The following DLGAP2 variants were observed in gnomAD, a reference collection of about 807,000 sequenced individuals.
DLGAP2 encodes the protein disks large-associated protein 2.
DLGAP2 carries 26 observed loss-of-function variants against 100.3 expected under a neutral mutation model. The ratio of observed to expected loss-of-function variants is 0.26; its 90% CI spans 0.19 to 0.36. DLGAP2 has a LOEUF of 0.36. Ranked by LOEUF, DLGAP2 falls within the 10% of genes least tolerant of loss-of-function variation. DLGAP2 has a pLI of 1.00. For synonymous variants in DLGAP2, 886 were observed against 630.1 expected (o/e 1.41, Z -6.08); for missense variants, 1,858 against 1,453.2 (o/e 1.28, Z -4.53).
At chr8:858,319 G>T (rs1220746238) in intron 1 of DLGAP2, among the ~76,000 whole-genome samples, 1 of 152,258 alleles carries the variant, frequency 6.6e-6, no homozygotes, top group African/African-American at 2.4e-5. Flanking sequence ...CGTGAAAGAA[G>T]CCTGTCGCAA....
At chr8:1,347,011 G>A (rs1801576350) in intron 3 of DLGAP2, among the ~76,000 whole-genome samples, 1 of 151,874 alleles carries the variant, frequency 6.6e-6, no homozygotes, top group Non-Finnish European at 1.5e-5. Context: ...TGTGGAGGTT[G>A]AGTTACCATA....
intron 2 of DLGAP2, among the ~76,000 whole-genome samples, chr8:973,846 G>T (rs1398059198): frequency 9.2e-5 from 7 of 75,884 alleles, no homozygotes; most frequent in Non-Finnish European, 1.1e-4. Flanking sequence ...GGTCGGGGCG[G>T]GCGGTGGCGG....
intron 1 of DLGAP2, among the ~76,000 whole-genome samples, chr8:856,328 A>G (rs538438501): frequency 6.6e-6 from 1 of 151,752 alleles, no homozygotes; most frequent in African/African-American, 2.4e-5. Flanking sequence ...AGCTGGGATT[A>G]CAGGCACACA....
At chr8:1,225,612 T>A (rs1334433382) in intron 2 of DLGAP2, among the ~76,000 whole-genome samples, 3 of 152,258 alleles carry the variant, frequency 2.0e-5, no homozygotes, top group Non-Finnish European at 4.4e-5. Context: ...TAAAATCATA[T>A]GCAAGTATCA....
intron 3 of DLGAP2, among the ~76,000 whole-genome samples, chr8:1,358,286 G>A (rs866219442): frequency 1.3e-5 from 2 of 152,140 alleles, no homozygotes; most frequent in Admixed American, 1.3e-4. Flanking sequence ...TTATCTTAAC[G>A]TCTTCATTTC....
chr8:1,033,936 C>T (rs1366827753), intron 2 of DLGAP2, among the ~76,000 whole-genome samples: 1 of 106,750 alleles, frequency 9.4e-6, no homozygotes, highest in Non-Finnish European at 1.9e-5. Context: ...TGTGTCACCG[C>T]GAGTGGACTC....
At chr8:1,650,042 C>T (rs572655199) in intron 8 of DLGAP2, among the ~76,000 whole-genome samples, 9 of 152,300 alleles carry the variant, frequency 5.9e-5, no homozygotes, top group East Asian at 3.9e-4. Flanking sequence ...CTTAAATATG[C>T]GGGCAGGTTA....
intron 4 of DLGAP2, among the ~76,000 whole-genome samples, chr8:1,506,885 T>C (rs1031427681): frequency 6.6e-6 from 1 of 151,946 alleles, no homozygotes; most frequent in Non-Finnish European, 1.5e-5. Context: ...TTTACAAACC[T>C]TGAGCTAGAC....
At chr8:787,192 C>T (rs948879875) in intron 1 of DLGAP2, among the ~76,000 whole-genome samples, 5 of 152,226 alleles carry the variant, frequency 3.3e-5, no homozygotes, top group African/African-American at 9.6e-5. Context: ...CTCAGCTGGT[C>T]CTTCCTTTGA....
chr8:1,290,947 A>G (rs1240963834), intron 3 of DLGAP2, among the ~76,000 whole-genome samples: 3 of 152,184 alleles, frequency 2.0e-5, no homozygotes. Flanking sequence ...ACAATATTGT[A>G]CAACCACCTC....
rs147302143 is a variant in DLGAP2 at position 1,509,766 on chromosome 8, A to G, written c.172+8335A>G. ...TTTTAAGATAATTAAATATGGTAAT[A>G]TAAGACCTTAGAGCAAGGTGTGGCT... On this transcript the variant is annotated intron_variant, in intron 4 of 14. Coordinates refer to ENST00000637795, the MANE Select transcript of DLGAP2 (RefSeq NM_001346810.2). Among the ~76,000 whole-genome samples the G allele has an allele frequency of 8.9e-4, 135 of 152,354 alleles. 1 individual carries two copies. The highest frequency in any genetic ancestry group is 6.8e-3 in the Middle Eastern group (2 of 294).
chr8:1,146,024 C>T (rs909224520), intron 2 of DLGAP2, among the ~76,000 whole-genome samples: 1 of 151,954 alleles, frequency 6.6e-6, no homozygotes, highest in Non-Finnish European at 1.5e-5. Flanking sequence ...TGTGGGTAGC[C>T]CCAGGATGCC....
At chr8:1,520,654 C>A (rs1056743311) in intron 4 of DLGAP2, among the ~76,000 whole-genome samples, 6 of 152,152 alleles carry the variant, frequency 3.9e-5, no homozygotes, top group Admixed American at 6.5e-5. Context: ...TCTGCCTTTT[C>A]CAGAATGACC....
At chr8:852,795 C>T (rs887060643) in intron 1 of DLGAP2, among the ~76,000 whole-genome samples, 9 of 152,228 alleles carry the variant, frequency 5.9e-5, no homozygotes, top group Non-Finnish European at 1.2e-4. Context: ...AGCACAGTTT[C>T]ATTCTGAATG....
At chr8:1,577,648 A>G (rs1359358572) in intron 6 of DLGAP2, among the ~76,000 whole-genome samples, 1 of 152,012 alleles carries the variant, frequency 6.6e-6, no homozygotes, top group Non-Finnish European at 1.5e-5. Flanking sequence ...GAGAAATGGA[A>G]GAGGAAAGGC....
At chr8:1,022,358 A>C (rs1166992080) in intron 2 of DLGAP2, among the ~76,000 whole-genome samples, 17 of 102,304 alleles carry the variant, frequency 1.7e-4, no homozygotes, top group Admixed American at 3.0e-4. Flanking sequence ...GACACTCTAA[A>C]CACCACCCAC....
At chr8:810,073 G>A (rs1187101883) in intron 1 of DLGAP2, among the ~76,000 whole-genome samples, 1 of 152,188 alleles carries the variant, frequency 6.6e-6, no homozygotes, top group African/African-American at 2.4e-5. Context: ...GTGTGAGCTT[G>A]CTCTGTGTCC....
At chr8:1,194,409 A>T (rs916458548) in intron 2 of DLGAP2, among the ~76,000 whole-genome samples, 3 of 152,124 alleles carry the variant, frequency 2.0e-5, no homozygotes, top group African/African-American at 7.2e-5. Flanking sequence ...CACCGTGTCT[A>T]GGCAGAGCTG....
intron 1 of DLGAP2, among the ~76,000 whole-genome samples, chr8:900,757 G>A (rs897349125): frequency 2.0e-5 from 3 of 152,174 alleles, no homozygotes; most frequent in Admixed American, 6.5e-5. Flanking sequence ...GATGGCAGGA[G>A]CTGAGATATT....
Sources: allele counts gnomAD v4.1 joint callset (sites outside exome capture counted in the v4.1 genomes callset), GRCh38; gene constraint gnomAD v4.1.1; transcripts MANE v1.5; gene names NCBI Gene and HGNC (gene_info 2026-07-23, HGNC 2026-07-21).